Variants in RSPH14 observed in about 807,000 individuals in gnomAD.
The protein encoded by RSPH14 is rhabdoid tumor deletion region gene 1.
RSPH14 carries 20 observed loss-of-function variants against 26.7 expected under a neutral mutation model. The observed-to-expected ratio is 0.75, with a 90% CI of 0.53 to 1.09. RSPH14 has a LOEUF of 1.09. Ranked by LOEUF, RSPH14 falls within the 50% of genes least tolerant of loss-of-function variation. RSPH14 has a pLI of 0.00. For missense variants in RSPH14, 449 were observed against 457.2 expected, an observed-to-expected ratio of 0.98 and a Z score of 0.16; for synonymous variants, 177 against 189.3, an observed-to-expected ratio of 0.93 and a Z score of 0.53.
chr22:23,119,021 G>A (rs1371648292), intron 4 of RSPH14, among the ~76,000 whole-genome samples: 1 of 152,226 alleles, frequency 6.6e-6, no homozygotes, highest in Non-Finnish European at 1.5e-5. Context: ...ATGAGGCCAG[G>A]CCCTGGAGGC....
upstream of RSPH14, chr22:23,145,505 C>G: frequency 6.2e-7 from 1 of 1,606,018 alleles, no homozygotes; most frequent in South Asian, 1.1e-5. Flanking sequence ...GCCGCTGGCT[C>G]AGGCGGACCA....
chr22:23,161,640 G>A, the RSPH14 span: 28 of 1,288,984 alleles, frequency 2.2e-5, no homozygotes, highest in African/African-American at 2.9e-5. Flanking sequence ...TGTGGAGACT[G>A]GAGCCCAAGC....
At chr22:23,163,644 C>G in the RSPH14 span, 1 of 148,360 alleles carries the variant, frequency 6.7e-6, no homozygotes, top group Non-Finnish European at 1.5e-5. Flanking sequence ...CCTGAAGTGT[C>G]TCCAGCAGAA....
chr22:23,179,020 G>A, the RSPH14 span, among the ~76,000 whole-genome samples: 1 of 152,260 alleles, frequency 6.6e-6, no homozygotes, highest in Admixed American at 6.5e-5. Flanking sequence ...AAGAACAGAT[G>A]ACAAAACTGA....
At chr22:23,107,395 C>T (rs968185314) in intron 4 of RSPH14, among the ~76,000 whole-genome samples, 4 of 152,160 alleles carry the variant, frequency 2.6e-5, no homozygotes, top group Admixed American at 6.5e-5. Context: ...CAGCCCTGTG[C>T]GGGTGGGCAG....
At chr22:23,155,508 G>A in the RSPH14 span, among the ~76,000 whole-genome samples, 1 of 152,210 alleles carries the variant, frequency 6.6e-6, no homozygotes, top group African/African-American at 2.4e-5. Context: ...GACCTGCAGT[G>A]TGGAAGGTGA....
chr22:23,145,169 T>TC, upstream of RSPH14: 1 of 600,588 alleles, frequency 1.7e-6, no homozygotes, highest in South Asian at 2.0e-5. Context: ...GCCGAGCTGA[T>TC]CACCAGAACC....
chr22:23,171,638 T>G, the RSPH14 span, among the ~76,000 whole-genome samples: 1 of 151,180 alleles, frequency 6.6e-6, no homozygotes, highest in Middle Eastern at 3.4e-3. Flanking sequence ...AGGTCAGGAG[T>G]TTGAGACCAG....
At chr22:23,153,109 G>A in the RSPH14 span, 17 of 1,613,982 alleles carry the variant, frequency 1.1e-5, no homozygotes, top group African/African-American at 2.7e-5. Context: ...CTTTGAGATT[G>A]CTGGGATTCC....
chr22:23,103,295 C>T (rs528887555), intron 4 of RSPH14, among the ~76,000 whole-genome samples: 5 of 152,352 alleles, frequency 3.3e-5, no homozygotes, highest in East Asian at 3.9e-4. Context: ...CCCCAGCCCC[C>T]GCCTCCATGC....
At chr22:23,064,409 A>T (rs960190913) in intron 4 of RSPH14, among the ~76,000 whole-genome samples, 1 of 152,088 alleles carries the variant, frequency 6.6e-6, no homozygotes, top group Non-Finnish European at 1.5e-5. Flanking sequence ...GGGGGCATCT[A>T]CCATAGCAAG....
chr22:23,079,223 G>A (rs772738516), intron 4 of RSPH14, among the ~76,000 whole-genome samples: 3 of 152,250 alleles, frequency 2.0e-5, no homozygotes, highest in South Asian at 2.1e-4. Flanking sequence ...GGCAGCACAC[G>A]TGGTGTGGCT....
intron 4 of RSPH14, among the ~76,000 whole-genome samples, chr22:23,081,183 T>C (rs1486056650): frequency 6.6e-6 from 1 of 152,004 alleles, no homozygotes; most frequent in Non-Finnish European, 1.5e-5. Context: ...GGACAAGGAG[T>C]ATAACAGCCT....
At chr22:23,133,685 G>A (rs2146438192) in intron 4 of RSPH14, among the ~76,000 whole-genome samples, 1 of 152,244 alleles carries the variant, frequency 6.6e-6, no homozygotes, top group East Asian at 1.9e-4. Context: ...CGCCTCCCAG[G>A]TTCAAGCGAT....
At chr22:23,150,120 G>A in the RSPH14 span, 25 of 1,612,324 alleles carry the variant, frequency 1.6e-5, no homozygotes, top group Admixed American at 8.4e-5. Context: ...GCAGGTCAGC[G>A]CTGCCTGCCA....
At chr22:23,161,470 G>A in the RSPH14 span, 118 of 1,570,830 alleles carry the variant, frequency 7.5e-5, no homozygotes, top group South Asian at 6.7e-5. Flanking sequence ...ATTCCTGGTT[G>A]ATGCTAAATT....
At chr22:23,172,663 A>AG in the RSPH14 span, among the ~76,000 whole-genome samples, 2 of 150,650 alleles carry the variant, frequency 1.3e-5, no homozygotes, top group African/African-American at 2.4e-5. Flanking sequence ...AAAAAAAAAA[A>AG]AAAAGACTGG....
At chr22:23,122,270 A>G (rs5759593) in intron 4 of RSPH14, 76,772 of 152,164 alleles carry the variant, frequency 0.5, 20,586 homozygotes, top group Non-Finnish European at 0.61. Flanking sequence ...CACATCGAAG[A>G]TTCTCAGAAG....
intron 4 of RSPH14, among the ~76,000 whole-genome samples, chr22:23,107,297 C>T (rs975295994): frequency 1.3e-5 from 2 of 152,180 alleles, no homozygotes; most frequent in African/African-American, 4.8e-5. Context: ...CTGTCGCTGG[C>T]CTGGGACCTA....
Sources: allele counts gnomAD v4.1 joint callset (sites outside exome capture counted in the v4.1 genomes callset), GRCh38; gene constraint gnomAD v4.1.1; transcripts MANE v1.5; gene names NCBI Gene and HGNC (gene_info 2026-07-23, HGNC 2026-07-21).